The following PIEZO2 variants were observed in gnomAD, a reference collection of about 807,000 sequenced individuals.
PIEZO2 encodes piezo type mechanosensitive ion channel component 2, also known as piezo-type mechanosensitive ion channel component 2.
PIEZO2 carries 172 observed loss-of-function variants against 337.3 expected under a neutral mutation model. The observed-to-expected ratio is 0.51, with a 90% CI of 0.45 to 0.58. PIEZO2 has a LOEUF of 0.58. PIEZO2 is among the 20% of genes least tolerant of loss of function. The pLI, the probability that PIEZO2 is intolerant of heterozygous loss-of-function variation, is 0.00. For synonymous variants in PIEZO2, 1,251 were observed against 1,228.5 expected (o/e 1.02, Z -0.38); for missense variants, 3,028 against 3,391.3 (o/e 0.89, Z 2.66).
In PIEZO2 at chr18:10,789,148, G is replaced by A. The variant is rs1206675029; in HGVS notation, c.2100C>T (p.Phe700=). The part of the protein sequence containing the change: ...VCGGMFFFVS[F]EGKIVMYKII... ...TTTTGTACATTACGATTTTACCCTC[G>A]AAGCTGACGAAGAAGAACATGCCTC... Residue 700 remains phenylalanine, a synonymous_variant, in exon 15 of 56, where the codon TTC becomes TTT. Coordinates refer to ENST00000674853, the MANE Select transcript of PIEZO2 (RefSeq NM_001378183.1). The A allele has an allele frequency of 1.2e-5, 18 of 1,537,096 alleles. No individual in the cohort carries two copies. Among genetic ancestry groups the A allele is most frequent in the African/African-American group, 2.7e-5 (2 of 73,034 alleles).
intron 1 of PIEZO2, among the ~76,000 whole-genome samples, chr18:11,134,978 A>AC (rs1173308021): frequency 8.8e-5 from 13 of 148,286 alleles, no homozygotes; most frequent in African/African-American, 2.7e-4. Flanking sequence ...TCTAATATTG[A>AC]CCCCCCACCC....
chr18:11,130,459 G>A (rs2040308377), intron 1 of PIEZO2, among the ~76,000 whole-genome samples: 1 of 152,218 alleles, frequency 6.6e-6, no homozygotes, highest in Non-Finnish European at 1.5e-5. Flanking sequence ...GGTATATCAA[G>A]TCTCCGGCTT....
In PIEZO2 at chr18:10,819,552, TAAC is replaced by T. The variant is rs2040461627; in HGVS notation, c.918-12281_918-12279del. On this transcript the variant is annotated intron_variant, in intron 7 of 55. Coordinates refer to ENST00000674853, the MANE Select transcript of PIEZO2 (RefSeq NM_001378183.1). The surrounding 1 kb of genome is among the most constrained non-coding windows in gnomAD (Gnocchi z 4.3). ...CTCTATCAATGTCGAACATGTCACTTAACAAAAAATCCAAAGATGAGCAGTTCC... is the reference window on the plus strand; with the variant it reads ...CTCTATCAATGTCGAACATGTCACTTAAAAAATCCAAAGATGAGCAGTTCC... 4.6e-5 allele frequency among the ~76,000 whole-genome samples: 7 copies of T among 152,168 alleles called. No homozygotes were observed. Among genetic ancestry groups the T allele is most frequent in the African/African-American group, 1.7e-4 (7 of 41,444 alleles).
At chr18:10,721,579 GAAA>G (rs139154922) in intron 36 of PIEZO2, among the ~76,000 whole-genome samples, 1 of 149,164 alleles carries the variant, frequency 6.7e-6, no homozygotes. Context: ...ACACAATTCT[GAAA>G]AAAAAAGGTA....
intron 3 of PIEZO2, among the ~76,000 whole-genome samples, chr18:10,924,718 ACTGGCAAGCATTTCAATGGAGCATT>A (rs762067025): frequency 2.6e-5 from 4 of 152,256 alleles, no homozygotes; most frequent in Non-Finnish European, 5.9e-5. Flanking sequence ...TTTATATAAT[ACTGGCAAGCATTTCAATGGAGCATT>A]CTCAGTTTCC....
At position 10,759,696 on chromosome 18, in the gene PIEZO2, C is replaced by A. The variant is rs751126094; in HGVS notation, c.3655+9G>T. 1 of 1,537,104 alleles carries A rather than the reference C, an allele frequency of 6.5e-7. No individual in the cohort carries two copies. The highest frequency in any genetic ancestry group is 2.0e-5 in the Admixed American group (1 of 50,980). On this transcript the variant is annotated intron_variant, in intron 25 of 55. Coordinates refer to ENST00000674853, the MANE Select transcript of PIEZO2 (RefSeq NM_001378183.1). This position sits in a 1 kb window ranked among gnomAD's most constrained non-coding sequence, Gnocchi z 5.5. ...AAAAGTAGACGGCTCAAGGGAAGGGCAGGCTCACCTCGGCAAGGAGCAGGT... is the reference window on the plus strand; with the variant it reads ...AAAAGTAGACGGCTCAAGGGAAGGGAAGGCTCACCTCGGCAAGGAGCAGGT...
At chr18:10,678,238 A>C (rs2034103272) in intron 52 of PIEZO2, among the ~76,000 whole-genome samples, 1 of 152,248 alleles carries the variant, frequency 6.6e-6, no homozygotes, top group Admixed American at 6.5e-5. Context: ...GTTAAAAAGA[A>C]TATTCAGTCA....
chr18:10,843,339 T>A (rs1266399027), intron 7 of PIEZO2, among the ~76,000 whole-genome samples: 1 of 152,012 alleles, frequency 6.6e-6, no homozygotes, highest in African/African-American at 2.4e-5. Flanking sequence ...CAATAAAAAG[T>A]TTGATAGCTA....
chr18:10,821,320 C>T lies in PIEZO2; in HGVS notation c.918-14046G>A, dbSNP rs995395867. On this transcript the variant is annotated intron_variant, in intron 7 of 55. Coordinates refer to ENST00000674853, the MANE Select transcript of PIEZO2 (RefSeq NM_001378183.1). This position sits in a 1 kb window ranked among gnomAD's most constrained non-coding sequence, Gnocchi z 4.2. ...CTTCCAATAGCTCAGCATCTGAAAA[C>T]AGTTGTTTCATATATTTTCTCTAGT... Among the ~76,000 whole-genome samples, 2 of 152,114 alleles carry T rather than the reference C, an allele frequency of 1.3e-5. No individual in the cohort carries two copies. Among genetic ancestry groups the T allele is most frequent in the African/African-American group, 4.8e-5 (2 of 41,432 alleles).
intron 2 of PIEZO2, among the ~76,000 whole-genome samples, chr18:11,060,963 T>G (rs1377130600): frequency 6.6e-6 from 1 of 152,188 alleles, no homozygotes; most frequent in African/African-American, 2.4e-5. Context: ...AACAAGAGAA[T>G]TTTAGACCAA....
At chr18:10,749,970 C>A (rs1173213709) in intron 29 of PIEZO2, 121 bp downstream of exon 29, 3 of 684,088 alleles carry the variant, frequency 4.4e-6, no homozygotes, top group Non-Finnish European at 7.6e-6. Context: ...CAGCCTCCAT[C>A]TGGAGAAAAC....
At chr18:11,086,347 C>T (rs2865144) in intron 1 of PIEZO2, among the ~76,000 whole-genome samples, 1 of 151,718 alleles carries the variant, frequency 6.6e-6, no homozygotes, top group Non-Finnish European at 1.5e-5. Flanking sequence ...GGTGAAACCC[C>T]GTCTCGACTA....
At chr18:10,800,883 G>A (rs932778354) in intron 10 of PIEZO2, among the ~76,000 whole-genome samples, 1 of 152,214 alleles carries the variant, frequency 6.6e-6, no homozygotes, top group African/African-American at 2.4e-5. Context: ...CTTGGGCTGT[G>A]GTCCAACATT....
At chr18:10,827,507 T>TTG (rs1555654966) in intron 7 of PIEZO2, among the ~76,000 whole-genome samples, 1 of 151,906 alleles carries the variant, frequency 6.6e-6, no homozygotes, top group Non-Finnish European at 1.5e-5. Context: ...CCTCCTTTTT[T>TTG]TCTCTCTCTG....
intron 52 of PIEZO2, among the ~76,000 whole-genome samples, chr18:10,679,905 AAACAGC>A (rs2034186711): frequency 6.6e-6 from 1 of 152,248 alleles, no homozygotes; most frequent in Non-Finnish European, 1.5e-5. Flanking sequence ...CAAAAATAAA[AAACAGC>A]AACAACAACA....
chr18:10,970,839 G>A (rs561713910), intron 3 of PIEZO2, among the ~76,000 whole-genome samples: 21 of 152,136 alleles, frequency 1.4e-4, no homozygotes, highest in Non-Finnish European at 7.4e-5. Flanking sequence ...AGGTAGGGAA[G>A]GAAGCTCTGT....
At position 10,829,028 on chromosome 18, in the gene PIEZO2, A is replaced by T. The variant is rs1050570863; in HGVS notation, c.918-21754T>A. ...GTGGGCATTCCCTTACATTTTAATG[A>T]TTTTTTAAATGATTTTTCACCTAAG... On this transcript the variant is annotated intron_variant, in intron 7 of 55. Coordinates refer to ENST00000674853, the MANE Select transcript of PIEZO2 (RefSeq NM_001378183.1). 5.3e-5 allele frequency among the ~76,000 whole-genome samples: 8 copies of T among 152,100 alleles called. No individual in the cohort carries two copies. In the South Asian group the frequency reaches 1.4e-3, roughly 28 times the overall value.
intron 21 of PIEZO2, among the ~76,000 whole-genome samples, chr18:10,765,632 G>A (rs1199427468): frequency 6.6e-6 from 1 of 152,184 alleles, no homozygotes; most frequent in Non-Finnish European, 1.5e-5. Context: ...GAGCTTTGGG[G>A]CCACTCAAGA....
chr18:10,802,940 C>G (rs1313864109), intron 9 of PIEZO2, among the ~76,000 whole-genome samples: 2 of 150,502 alleles, frequency 1.3e-5, no homozygotes, highest in African/African-American at 2.5e-5. Context: ...CCACTGCACT[C>G]CAGCCTGGGT....
Sources: allele counts gnomAD v4.1 joint callset (sites outside exome capture counted in the v4.1 genomes callset), GRCh38; gene constraint gnomAD v4.1.1; non-coding constraint Gnocchi (gnomAD v3.1); transcripts MANE v1.5; gene names NCBI Gene and HGNC (gene_info 2026-07-23, HGNC 2026-07-21).